Variants in ULK4 observed in about 807,000 individuals in gnomAD.
ULK4 encodes the protein inactive serine/threonine-protein kinase ULK4.
ULK4 carries 133 observed loss-of-function variants against 160.6 expected under a neutral mutation model. The observed-to-expected ratio is 0.83, with a 90% CI of 0.72 to 0.96. The LOEUF (loss-of-function observed/expected upper bound fraction) is 0.96, where lower values mean the gene tolerates loss of function less well. Among genes scored for constraint, ULK4 ranks in the 40% least tolerant of loss-of-function variants. The pLI, the probability that ULK4 is intolerant of heterozygous loss-of-function variation, is 0.00. For synonymous variants in ULK4, 534 were observed against 539.8 expected (o/e 0.99, Z 0.15); for missense variants, 1,580 against 1,499.5 (o/e 1.05, Z -0.89).
chr3:41,308,063 C>G (rs1403785553), intron 35 of ULK4, among the ~76,000 whole-genome samples: 1 of 152,118 alleles, frequency 6.6e-6, no homozygotes, highest in African/African-American at 2.4e-5. Context: ...ATTATCCCTG[C>G]ACTAACACAG....
intron 21 of ULK4, among the ~76,000 whole-genome samples, chr3:41,770,198 T>C (rs1323661392): frequency 1.3e-5 from 2 of 152,228 alleles, no homozygotes; most frequent in African/African-American, 2.4e-5. Context: ...AGCAGACTTA[T>C]CCAAATTTAT....
At chr3:41,474,047 G>C (rs184728590) in intron 32 of ULK4, among the ~76,000 whole-genome samples, 1 of 152,138 alleles carries the variant, frequency 6.6e-6, no homozygotes, top group Non-Finnish European at 1.5e-5. Flanking sequence ...CCCTCAAATG[G>C]CCAAGGCAAT....
chr3:41,806,277 T>G (rs1449228125), intron 19 of ULK4, among the ~76,000 whole-genome samples: 19 of 151,566 alleles, frequency 1.3e-4, no homozygotes, highest in South Asian at 2.1e-4. Context: ...TGCGTAGAGG[T>G]GTTTGTAGTA....
intron 35 of ULK4, among the ~76,000 whole-genome samples, chr3:41,372,070 T>C (rs1276402996): frequency 6.6e-6 from 1 of 151,276 alleles, no homozygotes; most frequent in Non-Finnish European, 1.5e-5. Context: ...CTTAATGAAA[T>C]AAAGTGTGAA....
At chr3:41,668,494 G>C (rs2035424698) in intron 29 of ULK4, among the ~76,000 whole-genome samples, 1 of 152,254 alleles carries the variant, frequency 6.6e-6, no homozygotes, top group South Asian at 2.1e-4. Context: ...ATGCTGCATA[G>C]GTTTGCAGCC....
rs546353614 is a variant in ULK4 at position 41,925,120 on chromosome 3, C to T, written c.542-5302G>A. Among the ~76,000 whole-genome samples, 85 of 152,210 alleles carry T rather than the reference C, an allele frequency of 5.6e-4. 1 individual carries two copies. The highest frequency in any genetic ancestry group is 9.7e-4 in the Non-Finnish European group (66 of 68,010). On this transcript the variant is annotated intron_variant, in intron 5 of 36. Coordinates refer to ENST00000301831, the MANE Select transcript of ULK4 (RefSeq NM_017886.4). The stretch of plus-strand genomic sequence containing the variant: ...GCTTTGGAGATGCTGGCAAGACGGC[C>T]GAATAGGAACAGCTCCAGTCTGCAG...
At chr3:41,608,498 A>G (rs1300450525) in intron 31 of ULK4, among the ~76,000 whole-genome samples, 10 of 152,188 alleles carry the variant, frequency 6.6e-5, no homozygotes, top group Admixed American at 4.6e-4. Context: ...CATTGGTTTC[A>G]TATTGAGAAT....
intron 34 of ULK4, among the ~76,000 whole-genome samples, chr3:41,431,000 T>C (rs1033835330): frequency 5.9e-5 from 9 of 152,188 alleles, no homozygotes; most frequent in African/African-American, 2.2e-4. Flanking sequence ...AGGAATTGTA[T>C]ATTGTTGACT....
intron 17 of ULK4, among the ~76,000 whole-genome samples, chr3:41,851,726 A>C (rs13095357): frequency 1.3e-5 from 2 of 152,276 alleles, no homozygotes; most frequent in South Asian, 2.1e-4. Flanking sequence ...ATACCAGAAT[A>C]CCTGGGACAC....
intron 35 of ULK4, among the ~76,000 whole-genome samples, chr3:41,387,720 T>C (rs2081851734): frequency 6.6e-6 from 1 of 152,364 alleles, no homozygotes; most frequent in Non-Finnish European, 1.5e-5. Context: ...TTTTTATGGC[T>C]GCATAGTATT....
intron 35 of ULK4, among the ~76,000 whole-genome samples, chr3:41,343,110 G>A (rs557556791): frequency 6.6e-6 from 1 of 152,154 alleles, no homozygotes; most frequent in Non-Finnish European, 1.5e-5. Context: ...TTGAAAACCA[G>A]CACAAGATAA....
intron 32 of ULK4, among the ~76,000 whole-genome samples, chr3:41,470,044 A>AAAAAAAAAAAAAAAAAAAAAAAAC (rs1415943037): frequency 2.6e-5 from 3 of 116,686 alleles, no homozygotes; most frequent in African/African-American, 1.1e-4. Context: ...AAAAAAAAAA[A>AAAAAAAAAAAAAAAAAAAAAAAAC]AACAAAGTAT....
chr3:41,470,034 A>AAAC (rs1553675862), intron 32 of ULK4, among the ~76,000 whole-genome samples: 3 of 148,106 alleles, frequency 2.0e-5, no homozygotes, highest in Admixed American at 6.7e-5. Context: ...AAAAAAAAAA[A>AAAC]AAAAAAAAAA....
chr3:41,579,344 G>C (rs1044830538), intron 31 of ULK4, among the ~76,000 whole-genome samples: 1 of 152,106 alleles, frequency 6.6e-6, no homozygotes, highest in Non-Finnish European at 1.5e-5. Context: ...GATAAGGAAG[G>C]AAGGAGGAAC....
chr3:41,901,671 G>T (rs1420056595), intron 12 of ULK4, among the ~76,000 whole-genome samples: 1 of 149,778 alleles, frequency 6.7e-6, no homozygotes, highest in Admixed American at 6.7e-5. Context: ...GTAGAATCGG[G>T]GTTTCACCAT....
At chr3:41,795,539 G>C (rs1481286256) in intron 20 of ULK4, among the ~76,000 whole-genome samples, 2 of 152,152 alleles carry the variant, frequency 1.3e-5, no homozygotes, top group Non-Finnish European at 2.9e-5. Flanking sequence ...ATTTCAAGGA[G>C]TTTAAAATGT....
intron 35 of ULK4, among the ~76,000 whole-genome samples, chr3:41,389,322 G>A (rs572798639): frequency 1.7e-3 from 265 of 152,282 alleles, no homozygotes; most frequent in Non-Finnish European, 3.3e-3. Flanking sequence ...TGGAAACAGG[G>A]ACAATTTGAC....
chr3:41,267,169 G>T (rs556024846), intron 35 of ULK4, among the ~76,000 whole-genome samples: 3 of 151,450 alleles, frequency 2.0e-5, no homozygotes, highest in Admixed American at 1.3e-4. Context: ...CCCTTGCCCC[G>T]CATCCCCCAA....
At chr3:41,753,748 C>T (rs2038704157) in intron 22 of ULK4, among the ~76,000 whole-genome samples, 1 of 152,222 alleles carries the variant, frequency 6.6e-6, no homozygotes, top group Non-Finnish European at 1.5e-5. Context: ...TCTCAACACC[C>T]TGCTTTGGAT....
Sources: allele counts gnomAD v4.1 joint callset (sites outside exome capture counted in the v4.1 genomes callset), GRCh38; gene constraint gnomAD v4.1.1; transcripts MANE v1.5; gene names NCBI Gene and HGNC (gene_info 2026-07-23, HGNC 2026-07-21).